The following SLC38A11 variants were observed in gnomAD, a reference collection of about 807,000 sequenced individuals.
The protein encoded by SLC38A11 is solute carrier family 38 member 11.
Under a neutral mutation model 49.4 loss-of-function variants are expected in SLC38A11, and 51 were observed. That is an observed-to-expected ratio of 1.03 (90% CI 0.83 to 1.30). The LOEUF is 1.30. SLC38A11 is among the 50% of genes most tolerant of loss of function. The pLI is 0.00. For synonymous variants in SLC38A11, 203 were observed against 192.9 expected (o/e 1.05, Z -0.43); for missense variants, 574 against 556.2 (o/e 1.03, Z -0.32).
intron 5 of SLC38A11, among the ~76,000 whole-genome samples, chr2:164,940,731 G>A (rs941326877): frequency 3.3e-5 from 5 of 149,440 alleles, no homozygotes; most frequent in African/African-American, 9.8e-5. Flanking sequence ...TATATGTAGT[G>A]TATATATATG....
At chr2:164,944,858 T>A (rs1688000971) in intron 4 of SLC38A11, among the ~76,000 whole-genome samples, 1 of 152,180 alleles carries the variant, frequency 6.6e-6, no homozygotes, top group African/African-American at 2.4e-5. Flanking sequence ...ACAAGTTGAT[T>A]CATCTCAGAA....
chr2:164,954,650 A>C lies in SLC38A11; in HGVS notation c.135T>G (p.Ile45Met), dbSNP rs1574030556. ...SAALFNVVNS[I>M]IGSGIIGLPY... is the part of the protein sequence containing the mutation. ...ACTTACCTATTATACCAGATCCTAT[A>C]ATCGAGTTGACAACATTAAAAAGAG... is the stretch of plus-strand genomic sequence containing the variant. Residue 45 changes from isoleucine (I) to methionine (M), a missense_variant, in exon 2 of 12, where the codon ATT becomes ATG. Ile to Met is a conservative substitution (Grantham distance 10, BLOSUM62 1). Transcript: ENST00000685975. 6.5e-7 allele frequency: 1 copy of C among 1,529,610 alleles called. No homozygotes were observed. Among genetic ancestry groups the C allele is most frequent in the Non-Finnish European group, 8.8e-7 (1 of 1,134,172 alleles). 94.8% of individuals were successfully genotyped at this position (1,529,610 alleles called of 1,614,324 possible).
At position 164,895,234 on chromosome 2, in the gene SLC38A11, G is replaced by T. The variant is rs981451954; in HGVS notation, c.*3203C>A. On this transcript the variant is annotated 3_prime_UTR_variant, in exon 12 of 12. Transcript: ENST00000685975. ...CATCTCTGGTCCACTCTACATATTTGCTCTGCTATCTTGGCAAATTCTTTA... is the reference window on the plus strand; with the variant it reads ...CATCTCTGGTCCACTCTACATATTTTCTCTGCTATCTTGGCAAATTCTTTA... Among the ~76,000 whole-genome samples, 2 of 152,158 alleles carry T rather than the reference G, an allele frequency of 1.3e-5. No homozygotes were observed. Among genetic ancestry groups the T allele is most frequent in the Non-Finnish European group, 2.9e-5 (2 of 68,030 alleles).
intron 1 of SLC38A11, 78 bp from the exon 2 acceptor site, chr2:164,954,823 C>A (rs1289022503): frequency 1.6e-5 from 10 of 630,274 alleles, no homozygotes; most frequent in Admixed American, 3.3e-5. Context: ...ATGCAGGATA[C>A]TAACACGATT....
intron 7 of SLC38A11, among the ~76,000 whole-genome samples, chr2:164,917,248 G>A (rs1443143849): frequency 6.6e-6 from 1 of 152,104 alleles, no homozygotes; most frequent in East Asian, 1.9e-4. Context: ...TTCTAAAGAT[G>A]AAGACCCATC....
chr2:164,913,294 T>TA (rs1275636620), intron 9 of SLC38A11, among the ~76,000 whole-genome samples: 1 of 151,892 alleles, frequency 6.6e-6, no homozygotes, highest in Non-Finnish European at 1.5e-5. Context: ...TCCAGCACTC[T>TA]AAGAAAAAAG....
At chr2:164,922,469 T>C (rs907149800) in intron 7 of SLC38A11, among the ~76,000 whole-genome samples, 22 of 152,162 alleles carry the variant, frequency 1.4e-4, no homozygotes, top group African/African-American at 5.3e-4. Context: ...AGCTCACTTG[T>C]ATTCTGATTC....
Position 164,916,311 on chromosome 2 carries a change from G to A in SLC38A11, c.618-338C>T, listed in dbSNP as rs138172675. ...GCACCTACCAGTTCAGCTACCTTTT[G>A]AGGGAGATACAAAAATTAACAATGC... On this transcript the variant is annotated intron_variant, in intron 7 of 11. Transcript: ENST00000685975. Among the ~76,000 whole-genome samples, 623 of 152,166 alleles carry A rather than the reference G, an allele frequency of 4.1e-3. 1 individual carries two copies. Among genetic ancestry groups the A allele is most frequent in the African/African-American group, 0.013 (540 of 41,544 alleles).
intron 11 of SLC38A11, 87 bp from the exon 12 acceptor site, chr2:164,898,817 T>C: frequency 7.6e-7 from 1 of 1,312,398 alleles, no homozygotes; most frequent in Non-Finnish European, 1.1e-6. Context: ...AAAATGTGTT[T>C]TTCATGCACA....
intron 7 of SLC38A11, chr2:164,922,321 C>T (rs910694532): frequency 2.0e-5 from 3 of 152,122 alleles, no homozygotes; most frequent in African/African-American, 4.8e-5. Flanking sequence ...CAGACACATC[C>T]GGGAGTTGAG....
chr2:164,930,126 C>T (rs1347217370), intron 7 of SLC38A11, among the ~76,000 whole-genome samples: 4 of 152,010 alleles, frequency 2.6e-5, no homozygotes, highest in African/African-American at 9.7e-5. Context: ...ATGAACACCT[C>T]CATGCACATA....
chr2:164,917,445 A>G (rs1454406), intron 7 of SLC38A11, among the ~76,000 whole-genome samples: 29,985 of 152,122 alleles, frequency 0.2, 3,200 homozygotes, highest in Admixed American at 0.3. Flanking sequence ...ACAGATTGTT[A>G]TAAGACTTGC....
At chr2:164,919,182 T>G (rs1322532748) in intron 7 of SLC38A11, among the ~76,000 whole-genome samples, 1 of 151,828 alleles carries the variant, frequency 6.6e-6, no homozygotes. Context: ...ATAAAAACAT[T>G]AGCCAGGCAT....
chr2:164,919,537 A>G (rs1686033248), intron 7 of SLC38A11, among the ~76,000 whole-genome samples: 1 of 152,188 alleles, frequency 6.6e-6, no homozygotes, highest in Non-Finnish European at 1.5e-5. Flanking sequence ...TTGGTCATGC[A>G]TACACAGTTG....
chr2:164,931,442 C>A (rs567504930), intron 7 of SLC38A11, among the ~76,000 whole-genome samples: 48 of 151,288 alleles, frequency 3.2e-4, no homozygotes, highest in African/African-American at 1.1e-3. Context: ...CACATGGGAC[C>A]AAAAAAAAGC....
chr2:164,918,887 G>A (rs534802745), intron 7 of SLC38A11, among the ~76,000 whole-genome samples: 4 of 152,192 alleles, frequency 2.6e-5, no homozygotes, highest in Non-Finnish European at 2.9e-5. Context: ...TTAACGTCAT[G>A]TTAAACTTTT....
chr2:164,942,046 C>T (rs988155904), intron 5 of SLC38A11, among the ~76,000 whole-genome samples: 2 of 152,086 alleles, frequency 1.3e-5, no homozygotes, highest in African/African-American at 4.8e-5. Flanking sequence ...TCTGTTTTCT[C>T]CACTGGGCTT....
intron 10 of SLC38A11, among the ~76,000 whole-genome samples, chr2:164,909,823 C>T (rs1036924939): frequency 6.6e-6 from 1 of 152,012 alleles, no homozygotes; most frequent in African/African-American, 2.4e-5. Context: ...TCTCTCTAAG[C>T]TGTGCTGCCT....
intron 1 of SLC38A11, 59 bp downstream of exon 1, chr2:164,955,150 C>G (rs764070441): frequency 1.5e-4 from 232 of 1,506,376 alleles, no homozygotes; most frequent in Non-Finnish European, 2.1e-4. Context: ...TGACCTGTTG[C>G]AAGGTGAATG....
Sources: gnomAD v4.1 joint callset for allele counts (sites outside exome capture counted in the v4.1 genomes callset) on GRCh38, gnomAD v4.1.1 for gene constraint, MANE v1.5 for transcripts, NCBI Gene and HGNC (gene_info 2026-07-23, HGNC 2026-07-21) for gene names.